The following MYO16 variants were observed in gnomAD, a reference collection of about 807,000 sequenced individuals.
The protein encoded by MYO16 is myosin XVI, also known as unconventional myosin-XVI.
Under a neutral mutation model 205.3 loss-of-function variants are expected in MYO16, and 94 were observed. That is an observed-to-expected ratio of 0.46 (90% CI 0.39 to 0.54). The LOEUF (loss-of-function observed/expected upper bound fraction) is 0.54, where lower values mean the gene tolerates loss of function less well. Ranked by LOEUF, MYO16 falls within the 20% of genes least tolerant of loss-of-function variation. The pLI, the probability that MYO16 is intolerant of heterozygous loss-of-function variation, is 0.00. For synonymous variants in MYO16, 988 were observed against 954.0 expected (o/e 1.04, Z -0.66); for missense variants, 2,315 against 2,387.5 (o/e 0.97, Z 0.63).
chr13:108,919,894 G>C (rs138239227), intron 16 of MYO16, among the ~76,000 whole-genome samples: 31 of 152,212 alleles, frequency 2.0e-4, no homozygotes, highest in African/African-American at 7.0e-4. Context: ...CTTGATTGAT[G>C]TAAGTGTATT....
chr13:109,195,473 C>G (rs1010971715), intron 34 of MYO16, among the ~76,000 whole-genome samples: 1 of 152,098 alleles, frequency 6.6e-6, no homozygotes, highest in Non-Finnish European at 1.5e-5. Flanking sequence ...AAAAATCACA[C>G]TTTATGCTAT....
chr13:108,674,361 C>G (rs1237963807), intron 2 of MYO16, among the ~76,000 whole-genome samples: 1 of 152,148 alleles, frequency 6.6e-6, no homozygotes, highest in African/African-American at 2.4e-5. Flanking sequence ...AAAAAATTAT[C>G]TCCTAGTATC....
intron 27 of MYO16, among the ~76,000 whole-genome samples, chr13:109,058,580 T>G (rs1053672475): frequency 6.6e-6 from 1 of 152,198 alleles, no homozygotes; most frequent in Non-Finnish European, 1.5e-5. Context: ...TTTTAAAATA[T>G]TTTTTGCTAA....
chr13:108,520,483 C>T, the MYO16 span, among the ~76,000 whole-genome samples: 14 of 152,098 alleles, frequency 9.2e-5, no homozygotes, highest in Non-Finnish European at 1.8e-4. Context: ...TTTAATCTCT[C>T]AGTTTAGCAA....
At chr13:109,006,145 A>G (rs1485024686) in intron 21 of MYO16, among the ~76,000 whole-genome samples, 3 of 152,194 alleles carry the variant, frequency 2.0e-5, no homozygotes, top group Admixed American at 6.5e-5. Flanking sequence ...AGGTGTTGTG[A>G]TGACATCAGA....
Position 108,709,097 on chromosome 13 carries a change from T to C in MYO16, c.293-3564T>C, listed in dbSNP as rs188748926. Among the ~76,000 whole-genome samples, 37 of 150,118 alleles carry C rather than the reference T, an allele frequency of 2.5e-4. No individual in the cohort carries two copies. In the Admixed American group the frequency reaches 2.5e-3, roughly 10 times the overall value. ...GAATCCCTTCCAAGCGGCAACACTA[T>C]AAAAGGAAGCCTGCGCTTCGTTATT... On this transcript the variant is annotated intron_variant, in intron 2 of 34. Transcript: ENST00000457511.
At chr13:109,083,705 G>C (rs919292112) in intron 27 of MYO16, among the ~76,000 whole-genome samples, 5 of 152,180 alleles carry the variant, frequency 3.3e-5, no homozygotes, top group Non-Finnish European at 7.3e-5. Context: ...GCAAGACACA[G>C]TGTTTCAATG....
intron 13 of MYO16, chr13:108,886,383 C>T (rs1464403590): frequency 2.2e-6 from 1 of 455,714 alleles, no homozygotes; most frequent in East Asian, 6.9e-5. Flanking sequence ...GGTGTTGATG[C>T]AGGATTTTGC....
rs185321094 is a variant in MYO16 at position 109,058,038 on chromosome 13, A to T, written c.3335+2443A>T. Among the ~76,000 whole-genome samples, 673 of 152,212 alleles carry T rather than the reference A, an allele frequency of 4.4e-3. 3 individuals are homozygous for T. Among genetic ancestry groups the T allele is most frequent in the Non-Finnish European group, 7.4e-3 (502 of 68,000 alleles). ...ATCAAAATCACCTGGAGGCTTCTTA[A>T]AATATGGATTCCTGGGCTCCCCACC... is the stretch of plus-strand genomic sequence containing the variant. On this transcript the variant is annotated intron_variant, in intron 27 of 34. Transcript: ENST00000457511.
chr13:108,898,212 C>T lies in MYO16; in HGVS notation c.1777+79C>T, dbSNP rs182348090. The T allele has an allele frequency of 2.9e-4, 323 of 1,099,444 alleles. 4 individuals are homozygous for T. In the African/African-American group the frequency reaches 4.1e-3, roughly 14 times the overall value. The allele number at this position is 1,099,444 out of a possible 1,614,324, so 68.1% of individuals were successfully genotyped here. On this transcript the variant is annotated intron_variant, in intron 15 of 34. Coordinates refer to ENST00000457511, the MANE Select transcript of MYO16 (RefSeq NM_001198950.3). ...ACGTCACACACAGGCACGCTATGGA[C>T]ACACTGTGTATGAATCAATGCTGGG...
intron 20 of MYO16, among the ~76,000 whole-genome samples, chr13:108,975,370 A>G (rs2139401687): frequency 6.6e-6 from 1 of 152,258 alleles, no homozygotes; most frequent in Admixed American, 6.5e-5. Flanking sequence ...TTTTTTATAA[A>G]ATAAATCAGA....
chr13:108,933,494 T>C (rs1306394530), intron 16 of MYO16, among the ~76,000 whole-genome samples: 2 of 150,298 alleles, frequency 1.3e-5, no homozygotes, highest in East Asian at 3.9e-4. Context: ...ATCGATTATT[T>C]GGATGTGTGT....
At chr13:109,184,534 G>A (rs1459963876) in intron 34 of MYO16, among the ~76,000 whole-genome samples, 2 of 152,140 alleles carry the variant, frequency 1.3e-5, no homozygotes, top group African/African-American at 4.8e-5. Flanking sequence ...TTTATTATCA[G>A]TGAGGAGGAT....
chr13:109,013,301 C>CT (rs780120847), intron 22 of MYO16, among the ~76,000 whole-genome samples: 32 of 152,050 alleles, frequency 2.1e-4, no homozygotes, highest in Non-Finnish European at 1.6e-4. Flanking sequence ...TGAACTCATC[C>CT]TTTTTTATGG....
chr13:108,662,239 TTC>T lies in MYO16; in HGVS notation c.29-3645_29-3644del, dbSNP rs535846936. 3.0e-4 allele frequency among the ~76,000 whole-genome samples: 45 copies of T among 152,318 alleles called. 1 individual carries two copies. The South Asian group carries it at 9.3e-3, about 32-fold the overall frequency. On this transcript the variant is annotated intron_variant, in intron 1 of 34. Coordinates refer to ENST00000457511, the MANE Select transcript of MYO16 (RefSeq NM_001198950.3). The stretch of plus-strand genomic sequence containing the variant: ...TGTCCTTGGCTTTGGTGGTTTAATA[TTC>T]TATTTTTGTGCTGGTTGGCCTCCTG...
chr13:108,683,914 T>C (rs1191445959), intron 2 of MYO16, among the ~76,000 whole-genome samples: 2 of 152,178 alleles, frequency 1.3e-5, no homozygotes, highest in East Asian at 1.9e-4. Context: ...TCTCGCTCTG[T>C]CGCCAGGCTG....
intron 31 of MYO16, among the ~76,000 whole-genome samples, chr13:109,128,631 G>A (rs749605053): frequency 2.0e-5 from 3 of 151,282 alleles, no homozygotes; most frequent in Non-Finnish European, 4.4e-5. Context: ...ACATAAAATT[G>A]TATGTTTTTG....
At chr13:108,930,525 C>G (rs1882209168) in intron 16 of MYO16, among the ~76,000 whole-genome samples, 1 of 152,060 alleles carries the variant, frequency 6.6e-6, no homozygotes, top group South Asian at 2.1e-4. Flanking sequence ...AAAGAAAAGT[C>G]AATTGGCCAT....
chr13:109,105,993 A>T (rs1269676223), intron 28 of MYO16, among the ~76,000 whole-genome samples: 1 of 152,248 alleles, frequency 6.6e-6, no homozygotes, highest in African/African-American at 2.4e-5. Context: ...CAGTGAAATG[A>T]CATATTTTAA....
Sources: gnomAD v4.1 joint callset for allele counts (sites outside exome capture counted in the v4.1 genomes callset) on GRCh38, gnomAD v4.1.1 for gene constraint, MANE v1.5 for transcripts, NCBI Gene and HGNC (gene_info 2026-07-23, HGNC 2026-07-21) for gene names.